Variants in HMBOX1 observed in about 807,000 individuals in gnomAD.
The protein encoded by HMBOX1 is homeobox containing 1.
In HMBOX1, 14 loss-of-function variants were observed where a neutral mutation model predicts 54.5. The ratio of observed to expected loss-of-function variants is 0.26; its 90% confidence interval spans 0.17 to 0.40. The LOEUF (loss-of-function observed/expected upper bound fraction) is 0.40, where lower values mean the gene tolerates loss of function less well. HMBOX1 is among the 10% of genes least tolerant of loss of function. HMBOX1 has a pLI of 1.00. For missense variants in HMBOX1, 332 were observed against 514.4 expected (o/e 0.65, Z 3.43); for synonymous variants, 160 against 181.0 (o/e 0.88, Z 0.93).
At chr8:28,951,787 C>T (rs992499915) in intron 1 of HMBOX1, among the ~76,000 whole-genome samples, 3 of 152,178 alleles carry the variant, frequency 2.0e-5, no homozygotes, top group Non-Finnish European at 4.4e-5. Flanking sequence ...TCTGGTTAGG[C>T]TCTCTGCAGG....
intron 1 of HMBOX1, among the ~76,000 whole-genome samples, chr8:28,952,082 G>A (rs1055907050): frequency 3.3e-5 from 5 of 151,612 alleles, no homozygotes; most frequent in Non-Finnish European, 7.4e-5. Context: ...AGGTTGAGGT[G>A]GGAGGATTGT....
intron 1 of HMBOX1, among the ~76,000 whole-genome samples, chr8:28,925,148 A>C (rs1352777233): frequency 6.6e-6 from 1 of 152,188 alleles, no homozygotes; most frequent in East Asian, 1.9e-4. Context: ...ATTATGTGAC[A>C]TGTGAAAGTT....
At chr8:29,011,561 T>G (rs1288114529) in intron 5 of HMBOX1, among the ~76,000 whole-genome samples, 1 of 152,186 alleles carries the variant, frequency 6.6e-6, no homozygotes, top group Admixed American at 6.5e-5. Context: ...GGCTGGGCTC[T>G]AGTCCAGCCC....
chr8:28,993,063 C>G (rs1831242691), intron 4 of HMBOX1, among the ~76,000 whole-genome samples: 1 of 149,080 alleles, frequency 6.7e-6, no homozygotes, highest in African/African-American at 2.5e-5. Flanking sequence ...TTTTTTTTAA[C>G]TTGGAAATGA....
chr8:28,916,540 T>C (rs998864179), intron 1 of HMBOX1, among the ~76,000 whole-genome samples: 1 of 152,214 alleles, frequency 6.6e-6, no homozygotes, highest in African/African-American at 2.4e-5. Flanking sequence ...TTTCCACGTG[T>C]TCTAGCTCCA....
In HMBOX1 at chr8:29,039,131, TC is replaced by T. The variant is rs759872391; in HGVS notation, c.852-6229del. On this transcript the variant is annotated intron_variant, in intron 6 of 9. Transcript: ENST00000287701. ...CTGTATTCATAAAACTAATATAATT[TC>T]TTTTACAGTACTTCATAATATCTTC... 2.0e-4 allele frequency among the ~76,000 whole-genome samples: 30 copies of T among 152,348 alleles called. No homozygotes were observed. In the South Asian group the frequency reaches 3.7e-3, roughly 19 times the overall value.
At chr8:28,968,259 A>G (rs140416881) in intron 2 of HMBOX1, among the ~76,000 whole-genome samples, 1 of 152,330 alleles carries the variant, frequency 6.6e-6, no homozygotes, top group African/African-American at 2.4e-5. Flanking sequence ...TTAAATGTAG[A>G]AAACTATTAC....
rs1231754354 is a variant in HMBOX1, at chr8:28,892,960, A to G, written c.-58+2282A>G. Among the ~76,000 whole-genome samples, 3 of 152,198 alleles carry G rather than the reference A, an allele frequency of 2.0e-5. No individual in the cohort carries two copies. The East Asian group carries it at 5.8e-4, about 29-fold the overall frequency. On this transcript the variant is annotated intron_variant, in intron 1 of 9. Coordinates refer to ENST00000287701, the MANE Select transcript of HMBOX1 (RefSeq NM_001135726.3). ...CTGAAGCATATTATAATAGTCATGG[A>G]GTTTTTTAAAAAATGTTTAATAATT...
intron 1 of HMBOX1, chr8:28,924,523 C>G (rs1283693956): frequency 6.9e-6 from 1 of 145,404 alleles, no homozygotes; most frequent in East Asian, 2.0e-4. Context: ...AATCTGATGT[C>G]ATAAAGATTT....
intron 6 of HMBOX1, among the ~76,000 whole-genome samples, chr8:29,020,502 T>C (rs1193840548): frequency 2.6e-5 from 4 of 152,206 alleles, no homozygotes; most frequent in Non-Finnish European, 4.4e-5. Context: ...TAAAAAGATA[T>C]TGAGCATTTA....
At chr8:28,960,862 C>T (rs1335848479) in intron 1 of HMBOX1, among the ~76,000 whole-genome samples, 3 of 140,646 alleles carry the variant, frequency 2.1e-5, no homozygotes, top group Non-Finnish European at 4.5e-5. Context: ...TCTTGGCTCA[C>T]TGCAACCTCT....
intron 1 of HMBOX1, among the ~76,000 whole-genome samples, chr8:28,911,479 G>A (rs1815404915): frequency 6.6e-6 from 1 of 152,126 alleles, no homozygotes; most frequent in Non-Finnish European, 1.5e-5. Context: ...CCTCAGCCTG[G>A]CGAGTAGCTA....
chr8:28,920,624 CTG>C (rs985207456), intron 1 of HMBOX1, among the ~76,000 whole-genome samples: 2 of 152,128 alleles, frequency 1.3e-5, no homozygotes, highest in Non-Finnish European at 2.9e-5. Flanking sequence ...ATGCTGGAGA[CTG>C]TGGCTAGGTT....
chr8:29,038,659 A>G (rs1245296688), intron 6 of HMBOX1, among the ~76,000 whole-genome samples: 2 of 152,106 alleles, frequency 1.3e-5, no homozygotes, highest in African/African-American at 2.4e-5. Flanking sequence ...CACCATTCCA[A>G]AGCATCTCTT....
intron 1 of HMBOX1, among the ~76,000 whole-genome samples, chr8:28,929,657 G>A (rs924692598): frequency 1.3e-5 from 2 of 152,264 alleles, no homozygotes; most frequent in African/African-American, 4.8e-5. Context: ...ATAGAGAGAT[G>A]GCAAAGGCAT....
In HMBOX1 at chr8:29,047,401, A is replaced by G; in HGVS notation, c.978A>G (p.Val326=). The G allele has an allele frequency of 6.2e-7, 1 of 1,611,298 alleles. No homozygotes were observed. The highest frequency in any genetic ancestry group is 8.5e-7 in the Non-Finnish European group (1 of 1,177,458). ...SDLERVTSLK[V]YNWFANRRKE... is the part of the protein sequence containing the mutation. ...TGGAAAGAGTTACCTCCCTGAAAGT[A>G]TATAATTGGTTTGCTAACAGAAGGA... The change falls in exon 8 of 10, where the codon GTA becomes GTG. Residue 326 remains valine (V), a synonymous_variant. Transcript: ENST00000287701.
In HMBOX1 at chr8:29,025,523, A is replaced by G. The variant is rs1345049658; in HGVS notation, c.851+6610A>G. ...TTATTTGAGATAATATGTGCAAATC[A>G]CACAGTAGAATGCCTTTCTCATAAC... is the stretch of plus-strand genomic sequence containing the variant. On this transcript the variant is annotated intron_variant, in intron 6 of 9. Transcript: ENST00000287701. 1.2e-4 allele frequency among the ~76,000 whole-genome samples: 18 copies of G among 152,348 alleles called. No homozygotes were observed. In the East Asian group the frequency reaches 3.5e-3, roughly 29 times the overall value.
intron 5 of HMBOX1, among the ~76,000 whole-genome samples, chr8:29,015,435 A>G (rs1563585277): frequency 6.6e-6 from 1 of 152,202 alleles, no homozygotes; most frequent in Non-Finnish European, 1.5e-5. Context: ...TTGATCAGCC[A>G]TGATAACCGG....
chr8:28,897,078 A>G (rs185875940), intron 1 of HMBOX1, among the ~76,000 whole-genome samples: 1 of 150,442 alleles, frequency 6.6e-6, no homozygotes, highest in Non-Finnish European at 1.5e-5. Flanking sequence ...TCTGCCACCC[A>G]GGTTCAAGTG....
Sources: gnomAD v4.1 joint callset for allele counts (sites outside exome capture counted in the v4.1 genomes callset) on GRCh38, gnomAD v4.1.1 for gene constraint, MANE v1.5 for transcripts, NCBI Gene and HGNC (gene_info 2026-07-23, HGNC 2026-07-21) for gene names.